Variants in TUT4 observed in about 807,000 individuals in gnomAD.
The protein encoded by TUT4 is terminal uridylyl transferase 4.
Under a neutral mutation model 192.2 loss-of-function variants are expected in TUT4, and 36 were observed. That is an observed-to-expected ratio of 0.19 (90% CI 0.14 to 0.25). The LOEUF is 0.25. Ranked by LOEUF, TUT4 falls within the 10% of genes least tolerant of loss-of-function variation. The pLI is 1.00. For missense variants in TUT4, 1,493 were observed against 1,957.2 expected, an observed-to-expected ratio of 0.76 and a Z score of 4.47; for synonymous variants, 618 against 666.0, an observed-to-expected ratio of 0.93 and a Z score of 1.11.
chr1:52,542,557 G>A (rs1032290624), intron 1 of TUT4, among the ~76,000 whole-genome samples: 1 of 151,988 alleles, frequency 6.6e-6, no homozygotes, highest in Admixed American at 6.6e-5. Context: ...TGATGCAGAC[G>A]AAGAATCTGA....
At chr1:52,480,336 T>C (rs2148953353) in intron 11 of TUT4, among the ~76,000 whole-genome samples, 1 of 152,218 alleles carries the variant, frequency 6.6e-6, no homozygotes, top group Non-Finnish European at 1.5e-5. Context: ...AGGGAAGTAA[T>C]TAACTGGCAA....
rs142834898 is a variant in TUT4, at chr1:52,551,699, T to TAC, written c.-94+1230_-94+1231dup. The stretch of plus-strand genomic sequence containing the variant: ...GCGCTCGCGCGCGCACACACACACA[T>TAC]ACACACACACACACAAAGTCGGCTT... On this transcript the variant is annotated intron_variant, in intron 1 of 29. Transcript: ENST00000257177. 5.5e-4 allele frequency among the ~76,000 whole-genome samples: 79 copies of TAC among 143,914 alleles called. No homozygotes were observed. The Middle Eastern group carries it at 0.01, about 19-fold the overall frequency. 94.4% of individuals were successfully genotyped at this position (143,914 alleles called of 152,430 possible). A position where few individuals can be genotyped will look rare whatever the true frequency, so the allele number is the denominator to read the frequency against.
At chr1:52,530,699 G>C (rs1346748592) in intron 1 of TUT4, among the ~76,000 whole-genome samples, 3 of 152,108 alleles carry the variant, frequency 2.0e-5, no homozygotes, top group African/African-American at 7.2e-5. Context: ...TCGGAGGAGA[G>C]AGTATTTTGA....
At chr1:52,510,314 T>TAAAA (rs1183609726) in intron 3 of TUT4, among the ~76,000 whole-genome samples, 1 of 53,404 alleles carries the variant, frequency 1.9e-5, no homozygotes. Context: ...GACTTCGTAT[T>TAAAA]AACAAAAAAA....
intron 20 of TUT4, among the ~76,000 whole-genome samples, chr1:52,452,118 C>A (rs1659610365): frequency 6.6e-6 from 1 of 151,882 alleles, no homozygotes; most frequent in Non-Finnish European, 1.5e-5. Flanking sequence ...ACAAGGCCAG[C>A]ATTACCCTAA....
chr1:52,436,613 A>G, intron 26 of TUT4, 142 bp downstream of exon 26: 1 of 1,336,586 alleles, frequency 7.5e-7, no homozygotes, highest in Non-Finnish European at 1.0e-6. Flanking sequence ...CTCATTGTCT[A>G]AATTTTATCT....
In TUT4 at chr1:52,515,934, G is replaced by A; in HGVS notation, c.839C>T (p.Ala280Val). 6.2e-7 allele frequency: 1 copy of A among 1,613,346 alleles called. No individual in the cohort carries two copies. The highest frequency in any genetic ancestry group is 8.5e-7 in the Non-Finnish European group (1 of 1,179,862). ...TPEQRLGLKQ[A>V]EERLERDHIF... is the part of the protein sequence containing the mutation. ...GTGATCTCTTTCTAAGCGTTCTTCT[G>A]CTTGTTTCAACCCCAGCCTCTGCTC... The change falls in exon 3 of 30, where the codon GCA (alanine) becomes GTA (valine). Residue 280 changes from alanine (A) to valine (V), a missense_variant. By Grantham distance (64) the Ala-to-Val change is moderately conservative (BLOSUM62 0). This residue lies in a region of TUT4 where 437 missense variants were observed against 577.6 expected (regional missense o/e 0.76). Transcript: ENST00000257177.
At chr1:52,545,966 C>CAAAAAAAAAAAAAAAAAAA (rs71041901) in intron 1 of TUT4, among the ~76,000 whole-genome samples, 2 of 72,404 alleles carry the variant, frequency 2.8e-5, no homozygotes, top group Non-Finnish European at 3.1e-5. Flanking sequence ...TACAAAAATA[C>CAAAAAAAAAAAAAAAAAAA]AAAAAAAAAA....
chr1:52,529,569 G>A (rs1025301120), intron 1 of TUT4, among the ~76,000 whole-genome samples: 2 of 151,676 alleles, frequency 1.3e-5, no homozygotes, highest in African/African-American at 2.4e-5. Context: ...CTGCTATAAC[G>A]ATTCTTTAAT....
At chr1:52,552,340 G>A (rs7511710) in intron 1 of TUT4, among the ~76,000 whole-genome samples, 9,382 of 152,138 alleles carry the variant, frequency 0.062, 318 homozygotes, top group African/African-American at 0.086. Context: ...CGTCAAAACC[G>A]CGCATTACCA....
intron 3 of TUT4, among the ~76,000 whole-genome samples, chr1:52,513,000 G>T (rs762286320): frequency 6.6e-6 from 1 of 151,920 alleles, no homozygotes; most frequent in Non-Finnish European, 1.5e-5. Flanking sequence ...GCGCATGCCT[G>T]TAGTCCTAGC....
intron 3 of TUT4, chr1:52,515,362 CT>C (rs1264328429): frequency 1.3e-5 from 2 of 157,350 alleles, no homozygotes; most frequent in Non-Finnish European, 2.8e-5. Flanking sequence ...TGCTCAGTGT[CT>C]ATTTGATGAG....
chr1:52,525,933 T>C lies in TUT4; in HGVS notation c.348A>G (p.Ala116=), dbSNP rs751139695. The change falls in exon 2 of 30, where the codon GCA becomes GCG. Residue 116 remains alanine (A), a synonymous_variant. Transcript: ENST00000257177. The part of the protein sequence containing the change: ...VKAEKATISQ[A]KSEKATSLQA... The stretch of plus-strand genomic sequence containing the variant: ...GTAAACTGGTTGCCTTTTCTGATTT[T>C]GCCTGTGAAATGGTTGCCTTTTCGG... 2.5e-6 allele frequency: 4 copies of C among 1,614,046 alleles called. No individual in the cohort carries two copies. The African/African-American group carries it at 5.3e-5, about 22-fold the overall frequency.
intron 3 of TUT4, chr1:52,514,740 T>G (rs1678236969): frequency 6.6e-6 from 1 of 152,072 alleles, no homozygotes; most frequent in Non-Finnish European, 1.5e-5. Context: ...TATTTACAAA[T>G]AACCCAAGTA....
chr1:52,456,805 A>G (rs184077289), intron 20 of TUT4, among the ~76,000 whole-genome samples: 22 of 152,318 alleles, frequency 1.4e-4, no homozygotes, highest in African/African-American at 5.3e-4. Context: ...ATCATTATAT[A>G]TTGTCCAAAC....
At position 52,461,159 on chromosome 1, in the gene TUT4, C is replaced by T; in HGVS notation, c.3296G>A (p.Gly1099Glu). The change falls in exon 19 of 30, where the codon GGA becomes GAA. Residue 1099 changes from glycine (G) to glutamate (E), a missense_variant. Transcript: ENST00000257177. ...CTTAGCAAACACTTTCATAGTATAT[C>T]CCAAATACTGCACTCTAGGATCAAT... ...AAIDPRVQYL[G>E]YTMKVFAKRC... 6.3e-7 allele frequency: 1 copy of T among 1,599,842 alleles called. No homozygotes were observed. The highest frequency in any genetic ancestry group is 8.5e-7 in the Non-Finnish European group (1 of 1,171,950).
At chr1:52,425,964 CA>C (rs1428918314) in intron 28 of TUT4, among the ~76,000 whole-genome samples, 1 of 152,070 alleles carries the variant, frequency 6.6e-6, no homozygotes, top group African/African-American at 2.4e-5. Flanking sequence ...CAATCTGCAA[CA>C]TAGAGACAGG....
chr1:52,511,692 T>C lies in TUT4; in HGVS notation c.883-1980A>G, dbSNP rs557662401. ...TGAGGCAGGAAGGTACCTAAAATAT[T>C]TGAGAAACTACAAAAAAGTTAGCAT... On this transcript the variant is annotated intron_variant, in intron 3 of 29. Transcript: ENST00000257177. Among the ~76,000 whole-genome samples, 4 of 152,202 alleles carry C rather than the reference T, an allele frequency of 2.6e-5. No individual in the cohort carries two copies. The Middle Eastern group carries it at 0.01, about 388-fold the overall frequency.
At chr1:52,491,633 G>A (rs1671170771) in intron 7 of TUT4, among the ~76,000 whole-genome samples, 2 of 152,286 alleles carry the variant, frequency 1.3e-5, no homozygotes, top group South Asian at 4.1e-4. Flanking sequence ...GTTGAAGTGA[G>A]CCGAGATCGT....
Sources: gnomAD v4.1 joint callset for allele counts (sites outside exome capture counted in the v4.1 genomes callset) on GRCh38, gnomAD v4.1.1 for gene constraint, gnomAD v4.1.1 regional missense constraint, MANE v1.5 for transcripts, NCBI Gene and HGNC (gene_info 2026-07-23, HGNC 2026-07-21) for gene names.